Variants in COL25A1 observed in about 807,000 individuals in gnomAD.
COL25A1 encodes collagen type XXV alpha 1 chain, also known as collagen alpha-1(XXV) chain.
Under a neutral mutation model 128.4 loss-of-function variants are expected in COL25A1, and 103 were observed. That is an observed-to-expected ratio of 0.80 (90% CI 0.68 to 0.94). COL25A1 has a LOEUF of 0.94. COL25A1 is among the 40% of genes least tolerant of loss of function. The probability of loss-of-function intolerance (pLI) is 0.00; values close to 1 mark genes in which losing one functional copy is unlikely to be tolerated. For synonymous variants in COL25A1, 279 were observed against 277.2 expected, an observed-to-expected ratio of 1.01 and a Z score of -0.06; for missense variants, 745 against 840.0, an observed-to-expected ratio of 0.89 and a Z score of 1.40.
chr4:109,116,321 C>T (rs902280268), intron 3 of COL25A1, among the ~76,000 whole-genome samples: 3 of 152,044 alleles, frequency 2.0e-5, no homozygotes, highest in Admixed American at 2.0e-4. Context: ...AACAAGGCCT[C>T]CATCAGGAGA....
chr4:109,073,836 T>C (rs1288362874), intron 3 of COL25A1, among the ~76,000 whole-genome samples: 1 of 152,246 alleles, frequency 6.6e-6, no homozygotes, highest in Non-Finnish European at 1.5e-5. Flanking sequence ...TGGATTCTAC[T>C]AATTTCTCAA....
chr4:109,011,592 T>A (rs1756596444), intron 5 of COL25A1, among the ~76,000 whole-genome samples: 1 of 152,238 alleles, frequency 6.6e-6, no homozygotes, highest in Admixed American at 6.5e-5. Flanking sequence ...TTCTTATAAC[T>A]GCCCTGAATT....
chr4:108,859,972 T>A (rs1337027969), intron 23 of COL25A1, among the ~76,000 whole-genome samples: 1 of 151,954 alleles, frequency 6.6e-6, no homozygotes, highest in Non-Finnish European at 1.5e-5. Context: ...TGATAAAAAA[T>A]ACGATTTAAT....
intron 20 of COL25A1, among the ~76,000 whole-genome samples, chr4:108,868,319 G>C (rs1181844675): frequency 6.6e-6 from 1 of 152,056 alleles, no homozygotes; most frequent in Non-Finnish European, 1.5e-5. Context: ...ACTCAATATT[G>C]AACACAGTGG....
intron 3 of COL25A1, among the ~76,000 whole-genome samples, chr4:109,098,692 A>G (rs1408909755): frequency 6.6e-6 from 1 of 152,190 alleles, no homozygotes; most frequent in Admixed American, 6.5e-5. Flanking sequence ...AACCAGTTGT[A>G]CTGTCTGGGT....
intron 3 of COL25A1, among the ~76,000 whole-genome samples, chr4:109,289,436 A>C (rs929722737): frequency 6.6e-6 from 1 of 152,054 alleles, no homozygotes; most frequent in African/African-American, 2.4e-5. Context: ...TTCTTTTTTG[A>C]AATTTATATT....
intron 3 of COL25A1, among the ~76,000 whole-genome samples, chr4:109,155,916 G>C (rs1771987041): frequency 6.6e-6 from 1 of 152,140 alleles, no homozygotes; most frequent in Non-Finnish European, 1.5e-5. Context: ...AGGTGCTTAA[G>C]GAAAAACCCT....
chr4:109,240,440 C>T (rs900985946), intron 3 of COL25A1, among the ~76,000 whole-genome samples: 2 of 151,958 alleles, frequency 1.3e-5, no homozygotes, highest in African/African-American at 4.8e-5. Context: ...TCATGCAGTG[C>T]AAAACTGTAA....
chr4:109,017,308 C>T (rs1029658975), intron 5 of COL25A1, among the ~76,000 whole-genome samples: 8 of 152,218 alleles, frequency 5.3e-5, no homozygotes, highest in African/African-American at 1.7e-4. Flanking sequence ...TCTGGCTCAC[C>T]CTTGGCATGT....
At chr4:109,292,989 T>A (rs1348265535) in intron 3 of COL25A1, among the ~76,000 whole-genome samples, 1 of 152,064 alleles carries the variant, frequency 6.6e-6, no homozygotes, top group Non-Finnish European at 1.5e-5. Flanking sequence ...GAAATCACTT[T>A]CATCTTATGA....
chr4:108,834,599 G>A (rs747389645), intron 31 of COL25A1, among the ~76,000 whole-genome samples: 3 of 150,958 alleles, frequency 2.0e-5, no homozygotes, highest in Non-Finnish European at 2.9e-5. Flanking sequence ...GCATTTTAAT[G>A]ACATTTCTAT....
chr4:109,261,941 C>T (rs902160593), intron 3 of COL25A1, among the ~76,000 whole-genome samples: 4 of 151,850 alleles, frequency 2.6e-5, no homozygotes, highest in Non-Finnish European at 4.4e-5. Flanking sequence ...TCGTGATCTG[C>T]CTTTCTCGGC....
At chr4:108,944,527 A>C (rs909959165) in intron 8 of COL25A1, among the ~76,000 whole-genome samples, 1 of 152,210 alleles carries the variant, frequency 6.6e-6, no homozygotes, top group Non-Finnish European at 1.5e-5. Flanking sequence ...TCATAATGTC[A>C]CTTGAAACAG....
intron 3 of COL25A1, among the ~76,000 whole-genome samples, chr4:109,266,060 G>A (rs1173656637): frequency 6.6e-6 from 1 of 152,064 alleles, no homozygotes; most frequent in Non-Finnish European, 1.5e-5. Flanking sequence ...GGACTAACAG[G>A]TGTAACCGTT....
chr4:108,916,557 A>G (rs989705807), intron 13 of COL25A1, among the ~76,000 whole-genome samples: 7 of 152,252 alleles, frequency 4.6e-5, no homozygotes, highest in African/African-American at 1.7e-4. Flanking sequence ...AAAGGAAAAC[A>G]TTATTAATCT....
chr4:108,884,784 T>A (rs1224774307), intron 18 of COL25A1, among the ~76,000 whole-genome samples: 1 of 152,228 alleles, frequency 6.6e-6, no homozygotes, highest in Non-Finnish European at 1.5e-5. Flanking sequence ...AGTCTGTACT[T>A]CTGACAATTG....
At chr4:109,023,643 A>C (rs140143545) in intron 5 of COL25A1, among the ~76,000 whole-genome samples, 1 of 152,348 alleles carries the variant, frequency 6.6e-6, no homozygotes, top group Non-Finnish European at 1.5e-5. Context: ...ACAGCAAAGA[A>C]ACTGGCAGAA....
chr4:108,875,555 G>A (rs1475638871), intron 19 of COL25A1, among the ~76,000 whole-genome samples: 1 of 152,142 alleles, frequency 6.6e-6, no homozygotes, highest in Admixed American at 6.5e-5. Flanking sequence ...TAAAAAGTCA[G>A]GAAACAGCAC....
intron 3 of COL25A1, among the ~76,000 whole-genome samples, chr4:109,289,281 C>A (rs1428287463): frequency 6.6e-6 from 1 of 152,004 alleles, no homozygotes; most frequent in African/African-American, 2.4e-5. Context: ...CTTTGTACAT[C>A]TATTTCAATA....
Sources: gnomAD v4.1 joint callset for allele counts (sites outside exome capture counted in the v4.1 genomes callset) on GRCh38, gnomAD v4.1.1 for gene constraint, MANE v1.5 for transcripts, NCBI Gene and HGNC (gene_info 2026-07-23, HGNC 2026-07-21) for gene names.